Variants in EHBP1 observed in about 807,000 individuals in gnomAD.
The protein encoded by EHBP1 is EH domain binding protein 1, also known as EH domain-binding protein 1.
Under a neutral mutation model 144.0 loss-of-function variants are expected in EHBP1, and 55 were observed. That is an observed-to-expected ratio of 0.38 (90% CI 0.31 to 0.48). EHBP1 has a LOEUF of 0.48. Among genes scored for constraint, EHBP1 ranks in the 20% least tolerant of loss-of-function variants. The probability of loss-of-function intolerance (pLI) is 0.98; values close to 1 mark genes in which losing one functional copy is unlikely to be tolerated. For missense variants in EHBP1, 1,200 were observed against 1,364.2 expected, an observed-to-expected ratio of 0.88 and a Z score of 1.90; for synonymous variants, 469 against 472.7, an observed-to-expected ratio of 0.99 and a Z score of 0.10.
Position 62,949,044 on chromosome 2 carries a change from A to G in EHBP1, c.2198A>G (p.Tyr733Cys), listed in dbSNP as rs140508263. 4,284 of 1,613,674 alleles carry G rather than the reference A, an allele frequency of 2.7e-3. 11 individuals are homozygous for G. Among genetic ancestry groups the G allele is most frequent in the Middle Eastern group, 8.6e-3 (52 of 6,058 alleles). ...CCTACTTCTAAACTTGGATACTCAT[A>G]TAGTAGAGATCTAGACCTTGCTAAG... ...LSPTSKLGYS[Y>C]SRDLDLAKKK... Residue 733 changes from tyrosine (Y) to cysteine (C), a missense_variant, in exon 13 of 23, where the codon TAT becomes TGT. Tyr to Cys is a radical substitution (Grantham distance 194). This residue lies in a region of EHBP1 where 543 missense variants were observed against 513.1 expected (regional missense o/e 1.06). Coordinates refer to ENST00000431489, the MANE Select transcript of EHBP1 (RefSeq NM_001142616.3).
At chr2:62,891,304 T>C (rs1009505499) in intron 10 of EHBP1, among the ~76,000 whole-genome samples, 5 of 152,180 alleles carry the variant, frequency 3.3e-5, no homozygotes, top group African/African-American at 9.7e-5. Flanking sequence ...AAAGAAGATA[T>C]TACAGTCAAC....
In EHBP1 at chr2:62,749,425, G is replaced by A. The variant is rs547559403; in HGVS notation, c.162+1973G>A. 7.2e-5 allele frequency among the ~76,000 whole-genome samples: 11 copies of A among 152,302 alleles called. No individual in the cohort carries two copies. The South Asian group carries it at 2.3e-3, about 32-fold the overall frequency. ...GTTGGTTCCAAGTCTTTGCTATTGT[G>A]AATAGTGCTGCAGTAAACATACATG... On this transcript the variant is annotated intron_variant, in intron 3 of 22. Coordinates refer to ENST00000431489, the MANE Select transcript of EHBP1 (RefSeq NM_001142616.3).
intron 14 of EHBP1, among the ~76,000 whole-genome samples, chr2:62,975,894 A>ACACG (rs2058689867): frequency 1.1e-5 from 1 of 89,734 alleles, no homozygotes; most frequent in South Asian, 3.1e-4. Flanking sequence ...ATGTACACAC[A>ACACG]CACACACACA....
chr2:63,012,325 T>C (rs1316115091), intron 19 of EHBP1, among the ~76,000 whole-genome samples: 13 of 152,076 alleles, frequency 8.5e-5, no homozygotes, highest in Admixed American at 5.9e-4. Flanking sequence ...CTTCACCAGA[T>C]TATTCATATA....
intron 10 of EHBP1, among the ~76,000 whole-genome samples, chr2:62,917,194 T>G (rs1339587733): frequency 2.6e-5 from 4 of 152,156 alleles, no homozygotes; most frequent in African/African-American, 9.7e-5. Flanking sequence ...CAATAGTATT[T>G]GTGTATCTAA....
Position 62,826,122 on chromosome 2 carries a change from T to C in EHBP1, c.348T>C (p.Thr116=). 1.3e-6 allele frequency: 2 copies of C among 1,538,034 alleles called. No individual in the cohort carries two copies. The highest frequency in any genetic ancestry group is 8.7e-7 in the Non-Finnish European group (1 of 1,143,452). The change falls in exon 6 of 23, where the codon ACT becomes ACC. Residue 116 remains threonine (T), a synonymous_variant. Coordinates refer to ENST00000431489, the MANE Select transcript of EHBP1 (RefSeq NM_001142616.3). ...CTGGTCGAAGGAAAGCTCTTGCTAC[T>C]AGCAGCATCAATATGAAACAGTATG... is the stretch of plus-strand genomic sequence containing the variant. ...SPSGRRKALA[T]SSINMKQYAS... is the part of the protein sequence containing the mutation.
chr2:62,735,661 T>C (rs1377658942), intron 2 of EHBP1, among the ~76,000 whole-genome samples: 1 of 152,218 alleles, frequency 6.6e-6, no homozygotes, highest in Non-Finnish European at 1.5e-5. Context: ...CCTATGTTAC[T>C]TTCCTTCTGT....
chr2:62,841,841 A>G (rs1157883183), intron 7 of EHBP1, among the ~76,000 whole-genome samples: 1 of 151,874 alleles, frequency 6.6e-6, no homozygotes, highest in Non-Finnish European at 1.5e-5. Context: ...CCCTAGTACT[A>G]CCACTCACCT....
intron 2 of EHBP1, among the ~76,000 whole-genome samples, chr2:62,730,565 T>C (rs891304162): frequency 2.0e-5 from 3 of 152,176 alleles, no homozygotes; most frequent in Non-Finnish European, 4.4e-5. Flanking sequence ...ACATCTTAGT[T>C]GCTTCTAAGT....
chr2:62,860,893 G>T (rs2049471326), intron 8 of EHBP1, among the ~76,000 whole-genome samples: 1 of 152,074 alleles, frequency 6.6e-6, no homozygotes. Flanking sequence ...AGCCAAACAA[G>T]TATGTGTCAA....
At chr2:62,785,183 C>T (rs1267046478) in intron 5 of EHBP1, among the ~76,000 whole-genome samples, 1 of 152,060 alleles carries the variant, frequency 6.6e-6, no homozygotes, top group Non-Finnish European at 1.5e-5. Context: ...TTTTAGAATG[C>T]TGTTTGCAAA....
chr2:62,765,528 G>A (rs2041108708), intron 4 of EHBP1, among the ~76,000 whole-genome samples: 1 of 152,088 alleles, frequency 6.6e-6, no homozygotes, highest in Non-Finnish European at 1.5e-5. Context: ...AACAAAGTGG[G>A]TAAAAGTCAG....
chr2:62,987,954 G>T lies in EHBP1; in HGVS notation c.2609-2762G>T, dbSNP rs140695994. 2.4e-5 allele frequency: 39 copies of T among 1,594,654 alleles called. 1 individual carries two copies. Among genetic ancestry groups the T allele is most frequent in the Middle Eastern group, 3.3e-4 (2 of 6,030 alleles). On this transcript the variant is annotated intron_variant, in intron 15 of 22. Coordinates refer to ENST00000431489, the MANE Select transcript of EHBP1 (RefSeq NM_001142616.3). The stretch of plus-strand genomic sequence containing the variant: ...AGATGAAAATGATAATATTGAGATA[G>T]ATACTAACGAGGAGATCCCTGAAGG...
At chr2:63,038,865 AG>A (rs1455072449) in intron 21 of EHBP1, 49 bp downstream of exon 21, 1 of 1,522,696 alleles carries the variant, frequency 6.6e-7, no homozygotes, top group Admixed American at 1.7e-5. Context: ...CAGTTGTCAA[AG>A]AGATTTAAAG....
chr2:62,837,809 A>G (rs2047413886), intron 7 of EHBP1, among the ~76,000 whole-genome samples: 1 of 152,142 alleles, frequency 6.6e-6, no homozygotes, highest in African/African-American at 2.4e-5. Context: ...ATATATATGC[A>G]CCCAATACGG....
At chr2:62,699,861 C>G (rs867208186) in intron 1 of EHBP1, among the ~76,000 whole-genome samples, 11 of 152,188 alleles carry the variant, frequency 7.2e-5, no homozygotes, top group Admixed American at 4.6e-4. Flanking sequence ...TCAGTCTCTA[C>G]CTGAGTTTCA....
At chr2:62,752,411 T>C (rs969451963) in intron 3 of EHBP1, among the ~76,000 whole-genome samples, 24 of 152,200 alleles carry the variant, frequency 1.6e-4, no homozygotes, top group Admixed American at 1.4e-3. Context: ...GTGTGGTTAA[T>C]TTTGGAGTAA....
chr2:62,737,822 G>A (rs974341074), intron 2 of EHBP1, among the ~76,000 whole-genome samples: 6 of 152,070 alleles, frequency 3.9e-5, no homozygotes, highest in African/African-American at 1.4e-4. Context: ...AGAGTGCAGT[G>A]GTGTGATCAT....
intron 21 of EHBP1, among the ~76,000 whole-genome samples, chr2:63,040,865 C>A (rs1399613693): frequency 1.3e-5 from 2 of 152,152 alleles, no homozygotes; most frequent in Non-Finnish European, 2.9e-5. Context: ...CTGAGCCAAC[C>A]CTTAGAGTGG....
Sources: allele counts gnomAD v4.1 joint callset (sites outside exome capture counted in the v4.1 genomes callset), GRCh38; gene constraint gnomAD v4.1.1; regional missense constraint gnomAD v4.1.1; transcripts MANE v1.5; gene names NCBI Gene and HGNC (gene_info 2026-07-23, HGNC 2026-07-21).